Variants in TMCO4 observed in about 807,000 individuals in gnomAD.
TMCO4 encodes transmembrane and coiled-coil domain-containing protein 4.
Under a neutral mutation model 64.7 loss-of-function variants are expected in TMCO4, and 58 were observed. The observed-to-expected ratio is 0.90, with a 90% confidence interval of 0.73 to 1.12. The LOEUF (loss-of-function observed/expected upper bound fraction) is 1.12, where lower values mean the gene tolerates loss of function less well. TMCO4 is among the 50% of genes most tolerant of loss of function. The pLI is 0.00. For synonymous variants in TMCO4, 325 were observed against 346.1 expected, an observed-to-expected ratio of 0.94 and a Z score of 0.68; for missense variants, 780 against 825.9, an observed-to-expected ratio of 0.94 and a Z score of 0.68.
chr1:19,694,659 T>TG, intron 14 of TMCO4, 108 bp from the exon 15 acceptor site: 1 of 1,004,132 alleles, frequency 1.0e-6, no homozygotes. Context: ...ATGGAGCTTC[T>TG]GGGGGAAAAC....
At chr1:19,713,709 TCAA>T (rs532380283) in intron 13 of TMCO4, among the ~76,000 whole-genome samples, 16 of 151,026 alleles carry the variant, frequency 1.1e-4, no homozygotes, top group South Asian at 2.1e-4. Flanking sequence ...TAAAAATATA[TCAA>T]CAACAACAAC....
At chr1:19,720,677 C>T (rs1454345278) in intron 13 of TMCO4, among the ~76,000 whole-genome samples, 1 of 151,992 alleles carries the variant, frequency 6.6e-6, no homozygotes, top group Admixed American at 6.6e-5. Context: ...AACGAGTTAA[C>T]AAAAGATCGA....
chr1:19,785,520 G>A (rs2043694744), intron 3 of TMCO4, among the ~76,000 whole-genome samples: 1 of 152,220 alleles, frequency 6.6e-6, no homozygotes. Flanking sequence ...GAATGAAGAA[G>A]GGGCTAGGAT....
chr1:19,741,986 G>C (rs771572661), intron 10 of TMCO4, among the ~76,000 whole-genome samples: 1 of 151,844 alleles, frequency 6.6e-6, no homozygotes, highest in Admixed American at 6.6e-5. Flanking sequence ...TGATCCACCC[G>C]CCTCGGCCTC....
chr1:19,733,810 G>A (rs1482418541), intron 13 of TMCO4, among the ~76,000 whole-genome samples: 2 of 152,106 alleles, frequency 1.3e-5, no homozygotes, highest in Admixed American at 6.5e-5. Context: ...ACAGTCTAGC[G>A]TAGGGTGAAG....
rs1023389784 is a variant in TMCO4 at position 19,692,607 on chromosome 1, C to T, written c.1500+1827G>A. Among the ~76,000 whole-genome samples the T allele has an allele frequency of 6.7e-5, 10 of 148,698 alleles. 4 individuals are homozygous for T. Among genetic ancestry groups the T allele is most frequent in the Admixed American group, 6.7e-5 (1 of 14,902 alleles). On this transcript the variant is annotated intron_variant, in intron 15 of 15. Transcript: ENST00000294543. ...AAAAAAAAAAAAAGAATTAGATGGG[C>T]GTGGTGGCAGGCGCCTATAATCCCA...
intron 2 of TMCO4, among the ~76,000 whole-genome samples, chr1:19,792,354 T>C (rs1367496718): frequency 1.3e-5 from 2 of 152,244 alleles, no homozygotes; most frequent in Non-Finnish European, 2.9e-5. Flanking sequence ...GGACCTTGTT[T>C]TGATATGCTA....
chr1:19,780,820 T>C (rs2043439283), intron 3 of TMCO4, 54 bp from the exon 4 acceptor site: 1 of 1,422,078 alleles, frequency 7.0e-7, no homozygotes, highest in Non-Finnish European at 9.4e-7. Context: ...CCAAGGTTAC[T>C]TAAGCATGAC....
chr1:19,731,497 T>C (rs1334994732), intron 13 of TMCO4, among the ~76,000 whole-genome samples: 1 of 152,062 alleles, frequency 6.6e-6, no homozygotes, highest in East Asian at 1.9e-4. Flanking sequence ...GCGTGGTGGG[T>C]TTGGAATTCA....
At position 19,682,718 on chromosome 1, in the gene TMCO4, T is replaced by A. The variant is rs2095111830; in HGVS notation, c.*322A>T. On this transcript the variant is annotated 3_prime_UTR_variant, in exon 16 of 16. Transcript: ENST00000294543. The stretch of plus-strand genomic sequence containing the variant: ...GATGGACAGCCAGACTCCAAAGCTA[T>A]GAGAAGTACAGAAAGCCCACAGTTG... 1.4e-6 allele frequency: 1 copy of A among 717,750 alleles called. No homozygotes were observed. The highest frequency in any genetic ancestry group is 1.5e-5 in the South Asian group (1 of 67,618). The allele number at this position is 717,750 out of a possible 1,614,324, so 44.5% of individuals were successfully genotyped here. A position where few individuals can be genotyped will look rare whatever the true frequency, so the allele number is the denominator to read the frequency against.
chr1:19,727,601 T>C (rs1409116740), intron 13 of TMCO4, among the ~76,000 whole-genome samples: 1 of 152,248 alleles, frequency 6.6e-6, no homozygotes, highest in African/African-American at 2.4e-5. Flanking sequence ...TATGGTATAT[T>C]GCTTTGATTG....
chr1:19,730,623 G>A (rs2095426242), intron 13 of TMCO4, among the ~76,000 whole-genome samples: 1 of 152,226 alleles, frequency 6.6e-6, no homozygotes, highest in Non-Finnish European at 1.5e-5. Context: ...GGCAGGCTGG[G>A]CTGTAAGGGG....
intron 1 of TMCO4, chr1:19,799,250 C>T (rs1322722632): frequency 6.6e-6 from 1 of 152,414 alleles, no homozygotes; most frequent in Non-Finnish European, 1.5e-5. Flanking sequence ...CCTGTAACTT[C>T]AGGCATGGGC....
chr1:19,688,690 T>C (rs926929533), intron 15 of TMCO4, among the ~76,000 whole-genome samples: 4 of 152,172 alleles, frequency 2.6e-5, no homozygotes, highest in African/African-American at 9.7e-5. Context: ...TCACATGCCG[T>C]GGCACCGCCT....
At chr1:19,776,671 C>T (rs1215233420) in intron 4 of TMCO4, among the ~76,000 whole-genome samples, 2 of 152,192 alleles carry the variant, frequency 1.3e-5, no homozygotes, top group Non-Finnish European at 2.9e-5. Context: ...TTCTCTGAAA[C>T]AGTAATTCCC....
intron 2 of TMCO4, among the ~76,000 whole-genome samples, chr1:19,788,947 C>T (rs1477718173): frequency 2.0e-5 from 3 of 151,898 alleles, no homozygotes; most frequent in Non-Finnish European, 2.9e-5. Flanking sequence ...TGCTGGCACG[C>T]GCCTGTAGTC....
intron 8 of TMCO4, among the ~76,000 whole-genome samples, chr1:19,746,940 A>C (rs1570876999): frequency 6.6e-6 from 1 of 150,906 alleles, no homozygotes; most frequent in Admixed American, 6.6e-5. Flanking sequence ...AAAAAAAAAA[A>C]AAAAACGTGG....
At chr1:19,730,999 C>T (rs1029598448) in intron 13 of TMCO4, among the ~76,000 whole-genome samples, 11 of 152,216 alleles carry the variant, frequency 7.2e-5, no homozygotes, top group Non-Finnish European at 1.5e-4. Context: ...GGGTGTTAAA[C>T]AGCAGGGCTG....
At chr1:19,761,870 G>A (rs190016740) in intron 6 of TMCO4, among the ~76,000 whole-genome samples, 12 of 152,342 alleles carry the variant, frequency 7.9e-5, no homozygotes, top group Non-Finnish European at 1.5e-4. Context: ...TGGAGGCAGA[G>A]CGTGATGCTC....
Sources: gnomAD v4.1 joint callset for allele counts (sites outside exome capture counted in the v4.1 genomes callset) on GRCh38, gnomAD v4.1.1 for gene constraint, MANE v1.5 for transcripts, NCBI Gene and HGNC (gene_info 2026-07-23, HGNC 2026-07-21) for gene names.